LEO1: variants seen among roughly 807,000 people sequenced by gnomAD.
The protein encoded by LEO1 is LEO1 component of Paf1/RNA polymerase II complex, also known as RNA polymerase-associated protein LEO1.
LEO1 carries 34 observed loss-of-function variants against 80.4 expected under a neutral mutation model. The observed-to-expected ratio is 0.42, with a 90% confidence interval of 0.32 to 0.56. The LOEUF (loss-of-function observed/expected upper bound fraction) is 0.56. Ranked by LOEUF, LEO1 falls within the 20% of genes least tolerant of loss-of-function variation. The probability of loss-of-function intolerance (pLI) is 0.10; values close to 1 mark genes in which losing one functional copy is unlikely to be tolerated. For missense variants in LEO1, 631 were observed against 814.2 expected (o/e 0.77, Z 2.74); for synonymous variants, 262 against 274.9 (o/e 0.95, Z 0.46).
chr15:51,968,659 T>C lies in LEO1; in HGVS notation c.59-2155A>G, dbSNP rs2057097719. ...GCCTGGCCAATATGGTGAAACCCCATCTCTACTAAAAATACAAAAATTAGC... is the reference window on the plus strand; with the variant it reads ...GCCTGGCCAATATGGTGAAACCCCACCTCTACTAAAAATACAAAAATTAGC... On this transcript the variant is annotated intron_variant, in intron 1 of 11. Coordinates refer to ENST00000299601, the MANE Select transcript of LEO1 (RefSeq NM_138792.4). Among the ~76,000 whole-genome samples, 3 of 151,938 alleles carry C rather than the reference T, an allele frequency of 2.0e-5. 1 individual carries two copies. In the South Asian group the frequency reaches 6.2e-4, roughly 32 times the overall value.
intron 2 of LEO1, among the ~76,000 whole-genome samples, chr15:51,964,088 C>T (rs1211031997): frequency 2.0e-5 from 3 of 151,796 alleles, no homozygotes; most frequent in African/African-American, 4.8e-5. Flanking sequence ...TGCCTGTAGT[C>T]CCAGCTACTC....
intron 11 of LEO1, among the ~76,000 whole-genome samples, chr15:51,942,030 G>T (rs2141739435): frequency 6.6e-6 from 1 of 152,306 alleles, no homozygotes; most frequent in South Asian, 2.1e-4. Context: ...TCTGGACTGG[G>T]GACCTGGGGT....
In LEO1 at chr15:51,966,359, G is replaced by C; in HGVS notation, c.204C>G (p.Asp68Glu). The change falls in exon 2 of 12, where the codon GAC (aspartate) becomes GAG (glutamate). Residue 68 changes from aspartate (D) to glutamate (E), a missense_variant. Transcript: ENST00000299601. ...NKELFGDDSEDEGASHHSGSD... is the reference protein window; with the variant it reads ...NKELFGDDSEEEGASHHSGSD... Reference sequence around the variant, plus strand: ...TACCACTATGATGTGAAGCTCCCTCGTCCTCACTGTCATCTCCAAACAGTT... The same window carrying C: ...TACCACTATGATGTGAAGCTCCCTCCTCCTCACTGTCATCTCCAAACAGTT... The C allele has an allele frequency of 1.2e-6, 2 of 1,614,044 alleles. No homozygotes were observed. Among genetic ancestry groups the C allele is most frequent in the South Asian group, 1.1e-5 (1 of 91,080 alleles).
chr15:51,958,115 T>A (rs1442537123), intron 6 of LEO1, among the ~76,000 whole-genome samples: 2 of 152,278 alleles, frequency 1.3e-5, no homozygotes, highest in South Asian at 2.1e-4. Flanking sequence ...AGTTTCAGTA[T>A]CATGCATTCA....
chr15:51,947,489 C>T lies in LEO1; in HGVS notation c.1799-100G>A, dbSNP rs2056912236. 1.1e-5 allele frequency: 9 copies of T among 787,078 alleles called. No individual in the cohort carries two copies. The East Asian group carries it at 1.8e-4, about 16-fold the overall frequency. The allele number at this position is 787,078 out of a possible 1,614,324, so 48.8% of individuals were successfully genotyped here. The stretch of plus-strand genomic sequence containing the variant: ...GGAGTGCAGTGGCACAATCATGGCT[C>T]ACTGCAGCCTTGACCTCCTGGGCTT... On this transcript the variant is annotated intron_variant, in intron 10 of 11. Coordinates refer to ENST00000299601, the MANE Select transcript of LEO1 (RefSeq NM_138792.4).
intron 2 of LEO1, among the ~76,000 whole-genome samples, chr15:51,965,271 G>C (rs1415206727): frequency 6.6e-6 from 1 of 152,170 alleles, no homozygotes; most frequent in Non-Finnish European, 1.5e-5. Context: ...CTTAGAGCTT[G>C]ACCATCTCTG....
intron 1 of LEO1, among the ~76,000 whole-genome samples, chr15:51,970,453 G>A (rs2141788652): frequency 6.6e-6 from 1 of 152,288 alleles, no homozygotes; most frequent in South Asian, 2.1e-4. Flanking sequence ...ACAACCCAAT[G>A]TCCATCAACA....
chr15:51,938,205 T>C lies in LEO1; in HGVS notation c.1952A>G (p.Lys651Arg). ...KAEDDDKANK[K>R]HKKYVISDEE... ...ATCGCTGATCACATACTTCTTATGC[T>C]TTTTATTTGCTTTATCATCATCTTC... Residue 651 changes from lysine (K) to arginine (R), a missense_variant, in exon 12 of 12, where the codon AAG becomes AGG. Around this residue, in one of 4 missense-constraint regions of LEO1, gnomAD observed 117 missense variants for 163.5 expected, o/e 0.72. Coordinates refer to ENST00000299601, the MANE Select transcript of LEO1 (RefSeq NM_138792.4). 1 of 1,611,088 alleles carries C rather than the reference T, an allele frequency of 6.2e-7. No individual in the cohort carries two copies. Among genetic ancestry groups the C allele is most frequent in the South Asian group, 1.1e-5 (1 of 90,900 alleles).
At chr15:51,960,604 G>C in intron 4 of LEO1, 35 bp downstream of exon 4, 1 of 1,168,784 alleles carries the variant, frequency 8.6e-7, no homozygotes, top group Middle Eastern at 1.9e-4. Context: ...CTTTATGCCT[G>C]GCCTTGAATA....
chr15:51,952,150 T>C, intron 8 of LEO1, 171 bp from the exon 9 acceptor site: 1 of 511,022 alleles, frequency 2.0e-6, no homozygotes, highest in South Asian at 3.4e-5. Context: ...GTTTTCTTCA[T>C]TCTGTGGCTC....
chr15:51,953,037 G>A (rs1347866322), intron 8 of LEO1, 92 bp downstream of exon 8: 1 of 1,014,050 alleles, frequency 9.9e-7, no homozygotes, highest in East Asian at 2.5e-5. Flanking sequence ...CATACCGTGG[G>A]GTTACATCAA....
In LEO1 at chr15:51,962,374, T is replaced by C; in HGVS notation, c.919+15A>G. ...AGGTATGGAAATATACATATATATA[T>C]AATAATAGGGATACCTTTTGGCACC... On this transcript the variant is annotated intron_variant, in intron 3 of 11. Coordinates refer to ENST00000299601, the MANE Select transcript of LEO1 (RefSeq NM_138792.4). The C allele has an allele frequency of 6.7e-7, 1 of 1,503,010 alleles. No homozygotes were observed. Among genetic ancestry groups the C allele is most frequent in the South Asian group, 1.1e-5 (1 of 87,696 alleles). 93.1% of individuals were successfully genotyped at this position (1,503,010 alleles called of 1,614,324 possible). A position where few individuals can be genotyped will look rare whatever the true frequency, so the allele number is the denominator to read the frequency against.
chr15:51,967,438 A>C (rs1381693829), intron 1 of LEO1, among the ~76,000 whole-genome samples: 1 of 152,182 alleles, frequency 6.6e-6, no homozygotes, highest in African/African-American at 2.4e-5. Context: ...ACACCATTGC[A>C]CTCTAGCCTG....
chr15:51,963,888 ACT>A (rs1566887175), intron 2 of LEO1, among the ~76,000 whole-genome samples: 1 of 92,772 alleles, frequency 1.1e-5, no homozygotes, highest in African/African-American at 4.6e-5. Flanking sequence ...GATGACAGAG[ACT>A]CTGTCTCAAA....
chr15:51,963,629 T>A (rs1234238038), intron 2 of LEO1, among the ~76,000 whole-genome samples: 1 of 152,106 alleles, frequency 6.6e-6, no homozygotes, highest in Non-Finnish European at 1.5e-5. Context: ...CGGCCAGGCA[T>A]GGTGGCTCTT....
At chr15:51,966,583 A>G in intron 1 of LEO1, 79 bp from the exon 2 acceptor site, 1 of 809,738 alleles carries the variant, frequency 1.2e-6, no homozygotes, top group Non-Finnish European at 2.0e-6. Flanking sequence ...TCCCAACATA[A>G]AAGCAATGAA....
chr15:51,956,757 C>T (rs890008966), intron 6 of LEO1, among the ~76,000 whole-genome samples: 1 of 152,168 alleles, frequency 6.6e-6, no homozygotes, highest in Non-Finnish European at 1.5e-5. Flanking sequence ...TTTAAGACAA[C>T]AGTTTATGTT....
intron 11 of LEO1, among the ~76,000 whole-genome samples, chr15:51,941,471 A>C (rs898488652): frequency 1.3e-5 from 2 of 152,178 alleles, no homozygotes; most frequent in Non-Finnish European, 2.9e-5. Context: ...GCCTGACATC[A>C]CATTCTGAGT....
chr15:51,938,306 T>C (rs779473399), intron 11 of LEO1, 46 bp from the exon 12 acceptor site: 1 of 1,146,248 alleles, frequency 8.7e-7, no homozygotes, highest in Non-Finnish European at 1.3e-6. Context: ...ATAAAGAACA[T>C]TTTTAGGATG....
Sources: allele counts gnomAD v4.1 joint callset (sites outside exome capture counted in the v4.1 genomes callset), GRCh38; gene constraint gnomAD v4.1.1; regional missense constraint gnomAD v4.1.1; transcripts MANE v1.5; gene names NCBI Gene and HGNC (gene_info 2026-07-23, HGNC 2026-07-21).